Variants in RANBP2 observed in about 807,000 individuals in gnomAD.
RANBP2 encodes the protein RAN binding protein 2.
RANBP2 carries 57 observed loss-of-function variants against 303.6 expected under a neutral mutation model. That is an observed-to-expected ratio of 0.19 (90% confidence interval 0.15 to 0.23). The LOEUF (loss-of-function observed/expected upper bound fraction) is 0.23. RANBP2 is among the 10% of genes least tolerant of loss of function. The pLI is 1.00. For synonymous variants in RANBP2, 1,167 were observed against 1,301.5 expected (o/e 0.90, Z 2.23); for missense variants, 3,138 against 3,780.8 (o/e 0.83, Z 4.46).
the RANBP2 span, among the ~76,000 whole-genome samples, chr2:109,161,093 A>G: frequency 3.9e-5 from 6 of 152,204 alleles, no homozygotes; most frequent in Non-Finnish European, 4.4e-5. Context: ...TCGACTGTTC[A>G]TTTAGAAGAG....
At chr2:108,970,959 G>A in the RANBP2 span, among the ~76,000 whole-genome samples, 1 of 152,160 alleles carries the variant, frequency 6.6e-6, no homozygotes, top group Non-Finnish European at 1.5e-5. Flanking sequence ...AACCTAATTT[G>A]TGGAAGACTT....
the RANBP2 span, among the ~76,000 whole-genome samples, chr2:108,854,449 G>A: frequency 1.1e-4 from 16 of 152,186 alleles, no homozygotes; most frequent in South Asian, 3.3e-3. Context: ...GAGAATTGAT[G>A]TAAAGTTTTA....
the RANBP2 span, chr2:109,614,038 G>C: frequency 8.3e-7 from 1 of 1,209,692 alleles, no homozygotes; most frequent in Admixed American, 4.4e-5. Flanking sequence ...CGCGCTGAGC[G>C]TTTTGCCTGC....
the RANBP2 span, among the ~76,000 whole-genome samples, chr2:109,654,162 T>C: frequency 6.6e-6 from 1 of 152,144 alleles, no homozygotes; most frequent in East Asian, 2.0e-4. Flanking sequence ...CTCAGATTCA[T>C]ATAAATCCAT....
chr2:109,236,256 C>A, the RANBP2 span, among the ~76,000 whole-genome samples: 1 of 152,142 alleles, frequency 6.6e-6, no homozygotes. Context: ...TATTAATGAC[C>A]AAATTCCCCT....
At chr2:109,728,227 T>A in the RANBP2 span, among the ~76,000 whole-genome samples, 2 of 152,114 alleles carry the variant, frequency 1.3e-5, no homozygotes, top group Admixed American at 1.3e-4. Flanking sequence ...AAGCCATCTC[T>A]AAAGTGGCTT....
the RANBP2 span, among the ~76,000 whole-genome samples, chr2:109,582,864 A>G: frequency 1.3e-5 from 2 of 152,216 alleles, no homozygotes; most frequent in African/African-American, 2.4e-5. Context: ...AGAACCTAGA[A>G]ATAAAGCCGC....
the RANBP2 span, among the ~76,000 whole-genome samples, chr2:108,819,248 A>C: frequency 6.6e-6 from 1 of 152,302 alleles, no homozygotes; most frequent in South Asian, 2.1e-4. Flanking sequence ...AAAGGAGTGG[A>C]AAAGTTTGTG....
chr2:108,957,654 T>G, the RANBP2 span, among the ~76,000 whole-genome samples: 1 of 152,250 alleles, frequency 6.6e-6, no homozygotes, highest in African/African-American at 2.4e-5. Flanking sequence ...ACATAATTGA[T>G]GCGGCCTTAC....
chr2:109,441,494 A>T, the RANBP2 span, among the ~76,000 whole-genome samples: 16 of 152,244 alleles, frequency 1.1e-4, no homozygotes, highest in Non-Finnish European at 1.8e-4. Flanking sequence ...GAAGCCGTGG[A>T]AAGTGGAACA....
the RANBP2 span, among the ~76,000 whole-genome samples, chr2:109,492,107 C>T: frequency 3.3e-5 from 5 of 152,206 alleles, no homozygotes; most frequent in East Asian, 7.7e-4. Flanking sequence ...ACGGTGGAAG[C>T]GTGGCCACAC....
At chr2:109,435,585 G>T in the RANBP2 span, among the ~76,000 whole-genome samples, 2 of 152,100 alleles carry the variant, frequency 1.3e-5, no homozygotes, top group Admixed American at 6.5e-5. Context: ...GGCTCTTCCC[G>T]TGAGGGCACG....
At chr2:109,778,702 C>CT in the RANBP2 span, among the ~76,000 whole-genome samples, 1 of 139,316 alleles carries the variant, frequency 7.2e-6, no homozygotes, top group Non-Finnish European at 1.6e-5. Flanking sequence ...CTCTCTCTCT[C>CT]TTTTTTGAGA....
chr2:109,292,763 A>T, the RANBP2 span, among the ~76,000 whole-genome samples: 85 of 151,872 alleles, frequency 5.6e-4, no homozygotes, highest in African/African-American at 2.0e-3. Context: ...ATGGAGTTTC[A>T]CTCTTGTTGC....
At chr2:108,865,915 C>G in the RANBP2 span, among the ~76,000 whole-genome samples, 1 of 152,208 alleles carries the variant, frequency 6.6e-6, no homozygotes, top group East Asian at 1.9e-4. Context: ...AGACATAAAC[C>G]AGTTTTCTGG....
At chr2:108,787,058 G>T (rs1384352708), downstream of RANBP2, 15 of 436,588 alleles carry the variant, frequency 3.4e-5, no homozygotes, top group Non-Finnish European at 5.0e-5. Context: ...CTTGGGCCTC[G>T]TGGAAGCAGG....
At chr2:108,874,355 T>G in the RANBP2 span, among the ~76,000 whole-genome samples, 4 of 152,308 alleles carry the variant, frequency 2.6e-5, no homozygotes, top group East Asian at 7.7e-4. Context: ...TCCTCATCTT[T>G]CTCCTGACTC....
chr2:109,438,560 T>C, the RANBP2 span, among the ~76,000 whole-genome samples: 9 of 152,332 alleles, frequency 5.9e-5, no homozygotes, highest in East Asian at 1.7e-3. Context: ...GTATCTTTTT[T>C]ACTTAAATCA....
rs755089446 is a variant in RANBP2 at position 108,751,350 on chromosome 2, C to A, written c.1360C>A (p.Arg454=). 2.9e-5 allele frequency: 46 copies of A among 1,611,776 alleles called. No individual in the cohort carries two copies. The highest frequency in any genetic ancestry group is 3.7e-5 in the Non-Finnish European group (44 of 1,179,844). The change falls in exon 10 of 29, where the codon CGA becomes AGA. Residue 454 remains arginine, a synonymous_variant. Transcript: ENST00000283195. ...WNSLPALPGI[R]KWLKQLFHHL... is the part of the protein sequence containing the mutation. ...TTCATTGCCTGCTTTACCTGGAATC[C>A]GAAAATGGCTAAAACAGCTTTTCCA... is the stretch of plus-strand genomic sequence containing the variant.
Sources: gnomAD v4.1 joint callset for allele counts (sites outside exome capture counted in the v4.1 genomes callset) on GRCh38, gnomAD v4.1.1 for gene constraint, MANE v1.5 for transcripts, NCBI Gene and HGNC (gene_info 2026-07-23, HGNC 2026-07-21) for gene names.